The following LYRM4 variants were observed in gnomAD, a reference collection of about 807,000 sequenced individuals.
The protein encoded by LYRM4 is LYR motif containing 4.
In LYRM4, 9 loss-of-function variants were observed where a neutral mutation model predicts 11.7. That is an observed-to-expected ratio of 0.77 (90% CI 0.46 to 1.34). LYRM4 has a LOEUF of 1.34. Among genes scored for constraint, LYRM4 ranks in the 40% most tolerant of loss-of-function variants. LYRM4 has a pLI of 0.00. For synonymous variants in LYRM4, 42 were observed against 40.4 expected (o/e 1.04, Z -0.15); for missense variants, 133 against 112.5 (o/e 1.18, Z -0.82).
intron 2 of LYRM4, among the ~76,000 whole-genome samples, chr6:5,200,784 A>T (rs572914351): frequency 1.7e-4 from 26 of 152,326 alleles, no homozygotes; most frequent in African/African-American, 5.5e-4. Context: ...TCCCACACTC[A>T]GAGATTCAAA....
chr6:5,195,300 T>C (rs115027304), intron 2 of LYRM4, among the ~76,000 whole-genome samples: 3,173 of 152,166 alleles, frequency 0.021, 45 homozygotes, highest in Middle Eastern at 0.051. Context: ...AGAGGGATGT[T>C]AAGGACATTA....
chr6:5,165,941 T>A (rs1027541194), intron 2 of LYRM4, among the ~76,000 whole-genome samples: 1 of 152,220 alleles, frequency 6.6e-6, no homozygotes, highest in Non-Finnish European at 1.5e-5. Context: ...CAAATGAAAC[T>A]ACGAATTATG....
chr6:5,259,216 C>A (rs1034465753), intron 1 of LYRM4, among the ~76,000 whole-genome samples: 1 of 152,226 alleles, frequency 6.6e-6, no homozygotes, highest in Non-Finnish European at 1.5e-5. Flanking sequence ...GCTTTAATGA[C>A]AAACTATTTT....
At chr6:5,091,524 AT>A in the LYRM4 span, among the ~76,000 whole-genome samples, 5 of 152,218 alleles carry the variant, frequency 3.3e-5, no homozygotes, top group Non-Finnish European at 5.9e-5. Flanking sequence ...ACTCTTTTGA[AT>A]CTTTTTGGTA....
At chr6:5,090,173 G>A in the LYRM4 span, among the ~76,000 whole-genome samples, 1 of 152,204 alleles carries the variant, frequency 6.6e-6, no homozygotes, top group Admixed American at 6.5e-5. The surrounding 1 kb of genome is among the most constrained non-coding windows in gnomAD (Gnocchi z 4.8). Context: ...CCTAGCACTA[G>A]TGATAAAAAC....
intron 2 of LYRM4, among the ~76,000 whole-genome samples, chr6:5,115,457 G>A (rs1401269399): frequency 6.6e-6 from 1 of 152,130 alleles, no homozygotes; most frequent in Non-Finnish European, 1.5e-5. Flanking sequence ...ACAAGAACAC[G>A]GGATTCTCCT....
the LYRM4 span, among the ~76,000 whole-genome samples, chr6:5,059,666 C>T: frequency 6.6e-6 from 1 of 152,178 alleles, no homozygotes; most frequent in Non-Finnish European, 1.5e-5. Context: ...AAATCCTTTC[C>T]TACCACCTAA....
chr6:5,195,897 T>A (rs532901897), intron 2 of LYRM4, among the ~76,000 whole-genome samples: 1 of 152,314 alleles, frequency 6.6e-6, no homozygotes, highest in African/African-American at 2.4e-5. Flanking sequence ...GAATAAATAT[T>A]GAATGATTTC....
At chr6:5,230,736 A>G (rs532220284) in intron 1 of LYRM4, among the ~76,000 whole-genome samples, 1 of 152,328 alleles carries the variant, frequency 6.6e-6, no homozygotes, top group East Asian at 1.9e-4. Flanking sequence ...GAAATAGGAA[A>G]TAGGAGTCAA....
the LYRM4 span, among the ~76,000 whole-genome samples, chr6:5,073,838 C>G: frequency 6.6e-6 from 1 of 152,152 alleles, no homozygotes; most frequent in African/African-American, 2.4e-5. Flanking sequence ...GCAGGGGGCT[C>G]TAGGCCCCGC....
chr6:5,113,580 C>T (rs1283509538), intron 2 of LYRM4, among the ~76,000 whole-genome samples: 2 of 152,148 alleles, frequency 1.3e-5, no homozygotes, highest in Non-Finnish European at 2.9e-5. Flanking sequence ...GAATCACTGC[C>T]CTCAGTTTTT....
At chr6:5,180,535 C>A (rs1231573628) in intron 2 of LYRM4, among the ~76,000 whole-genome samples, 1 of 152,162 alleles carries the variant, frequency 6.6e-6, no homozygotes, top group Non-Finnish European at 1.5e-5. Flanking sequence ...CCATTTAGAA[C>A]ATATTTGAGC....
the LYRM4 span, among the ~76,000 whole-genome samples, chr6:5,094,398 C>A: frequency 6.6e-6 from 1 of 152,198 alleles, no homozygotes; most frequent in Non-Finnish European, 1.5e-5. Context: ...GTAGGAGGAT[C>A]GCTTGAGCCA....
At chr6:5,239,149 A>G (rs1167689097) in intron 1 of LYRM4, among the ~76,000 whole-genome samples, 1 of 152,252 alleles carries the variant, frequency 6.6e-6, no homozygotes, top group African/African-American at 2.4e-5. Flanking sequence ...TGATGAACCA[A>G]CAAAAAGCAA....
At position 5,142,028 on chromosome 6, in the gene LYRM4, G is replaced by A. The variant is rs533807847; in HGVS notation, c.208-32537C>T. On this transcript the variant is annotated intron_variant, in intron 2 of 2. Transcript: ENST00000330636. Reference sequence around the variant, plus strand: ...CCCTGTTTCTGTGCATGTGTCGGGGGGGATGCGGGTACAGGTGATAAGGAA... The same window carrying A: ...CCCTGTTTCTGTGCATGTGTCGGGGAGGATGCGGGTACAGGTGATAAGGAA... Among the ~76,000 whole-genome samples the A allele has an allele frequency of 5.3e-5, 8 of 152,286 alleles. No individual in the cohort carries two copies. The South Asian group carries it at 1.0e-3, about 20-fold the overall frequency.
chr6:5,055,772 G>A, the LYRM4 span, among the ~76,000 whole-genome samples: 2 of 152,194 alleles, frequency 1.3e-5, no homozygotes, highest in African/African-American at 2.4e-5. The surrounding 1 kb of genome is among the most constrained non-coding windows in gnomAD (Gnocchi z 4.5). Context: ...TCTACTCAGA[G>A]GGTCAGTTTG....
intron 2 of LYRM4, among the ~76,000 whole-genome samples, chr6:5,126,460 G>C (rs1763704199): frequency 6.6e-6 from 1 of 152,198 alleles, no homozygotes; most frequent in Non-Finnish European, 1.5e-5. Context: ...CTGAAGTACA[G>C]TGCAAGAATG....
At chr6:5,256,491 G>GAA (rs1161084364) in intron 1 of LYRM4, among the ~76,000 whole-genome samples, 1 of 43,878 alleles carries the variant, frequency 2.3e-5, no homozygotes, top group Non-Finnish European at 3.6e-5. Flanking sequence ...ATTTCAACTG[G>GAA]AAAAAAAAAA....
the LYRM4 span, chr6:5,042,571 C>A: frequency 6.6e-6 from 1 of 152,646 alleles, no homozygotes; most frequent in Non-Finnish European, 1.5e-5. Context: ...ATCTTAATCA[C>A]ATCCAACTTT....
Sources: gnomAD v4.1 joint callset for allele counts (sites outside exome capture counted in the v4.1 genomes callset) on GRCh38, gnomAD v4.1.1 for gene constraint, Gnocchi (gnomAD v3.1) non-coding constraint, MANE v1.5 for transcripts, NCBI Gene and HGNC (gene_info 2026-07-23, HGNC 2026-07-21) for gene names.